The following UBE3D variants were observed in gnomAD, a reference collection of about 807,000 sequenced individuals.
UBE3D encodes E3 ubiquitin-protein ligase E3D.
A neutral mutation model predicts 49.6 loss-of-function variants in UBE3D; 48 were observed. The observed-to-expected ratio is 0.97, with a 90% confidence interval of 0.77 to 1.23. The LOEUF (loss-of-function observed/expected upper bound fraction) is 1.23, where lower values mean the gene tolerates loss of function less well. Ranked by LOEUF, UBE3D falls within the 50% of genes most tolerant of loss-of-function variation. The pLI is 0.00. For synonymous variants in UBE3D, 189 were observed against 174.2 expected (o/e 1.08, Z -0.67); for missense variants, 452 against 468.4 (o/e 0.96, Z 0.32).
chr6:83,032,453 T>G, intron 5 of UBE3D: 2 of 352,472 alleles, frequency 5.7e-6, no homozygotes, highest in Non-Finnish European at 1.1e-5. Context: ...ACCCAATGCC[T>G]GTACCCCCAT....
At chr6:82,914,096 A>G (rs1772731300) in intron 9 of UBE3D, among the ~76,000 whole-genome samples, 1 of 152,252 alleles carries the variant, frequency 6.6e-6, no homozygotes. Context: ...AGCTAAAACC[A>G]GAACCTAGAT....
chr6:83,023,329 G>T (rs1781232979), intron 6 of UBE3D, among the ~76,000 whole-genome samples: 2 of 152,146 alleles, frequency 1.3e-5, no homozygotes, highest in African/African-American at 4.8e-5. Flanking sequence ...AGAATTAGAA[G>T]ATTTATAAGA....
intron 9 of UBE3D, among the ~76,000 whole-genome samples, chr6:82,956,015 C>T (rs964065171): frequency 6.6e-5 from 10 of 152,146 alleles, no homozygotes; most frequent in Admixed American, 1.3e-4. Flanking sequence ...AAGAGCATCA[C>T]GGAGACAATC....
At chr6:82,907,863 G>A (rs997695681) in intron 9 of UBE3D, among the ~76,000 whole-genome samples, 31 of 152,058 alleles carry the variant, frequency 2.0e-4, no homozygotes, top group African/African-American at 7.5e-4. Context: ...GATGAAAACA[G>A]GTCCACAAAA....
intron 9 of UBE3D, among the ~76,000 whole-genome samples, chr6:82,902,477 A>T (rs1771808993): frequency 6.6e-6 from 1 of 152,194 alleles, no homozygotes; most frequent in African/African-American, 2.4e-5. Flanking sequence ...CATGACTCGG[A>T]AGAATCTCTA....
rs182240085 is a variant in UBE3D, at chr6:82,937,728, A to G, written c.1149+19584T>C. Among the ~76,000 whole-genome samples the G allele has an allele frequency of 5.3e-5, 8 of 152,334 alleles. No homozygotes were observed. The East Asian group carries it at 1.5e-3, about 29-fold the overall frequency. On this transcript the variant is annotated intron_variant, in intron 9 of 9. Coordinates refer to ENST00000369747, the MANE Select transcript of UBE3D (RefSeq NM_198920.3). ...GGGAAGCCGAAAGTGCAAAAAGTCT[A>G]AGGGAGGGTAGAGAAGGAAGACGAA...
intron 8 of UBE3D, among the ~76,000 whole-genome samples, chr6:82,957,770 C>T (rs1776267784): frequency 6.6e-6 from 1 of 152,102 alleles, no homozygotes. Context: ...TGAATGCTTC[C>T]TACATTCTAT....
At chr6:83,039,229 C>T (rs1254527533) in intron 4 of UBE3D, among the ~76,000 whole-genome samples, 1 of 152,198 alleles carries the variant, frequency 6.6e-6, no homozygotes, top group Non-Finnish European at 1.5e-5. Context: ...AAGCCATATA[C>T]AGTGGGCAGG....
intron 8 of UBE3D, among the ~76,000 whole-genome samples, chr6:82,963,029 T>C (rs1217844615): frequency 2.0e-5 from 3 of 152,202 alleles, no homozygotes; most frequent in African/African-American, 7.2e-5. Flanking sequence ...TTATGATTTA[T>C]AAACTTTCTC....
chr6:82,909,774 T>C (rs180984202), intron 9 of UBE3D, among the ~76,000 whole-genome samples: 3 of 152,300 alleles, frequency 2.0e-5, no homozygotes, highest in Non-Finnish European at 1.5e-5. Context: ...CTATGAGCAA[T>C]GAAGCCCATT....
At chr6:82,914,542 G>C (rs1247117575) in intron 9 of UBE3D, among the ~76,000 whole-genome samples, 3 of 152,104 alleles carry the variant, frequency 2.0e-5, no homozygotes, top group African/African-American at 7.2e-5. Context: ...GTGGCACCTC[G>C]GCGTCAAGCA....
At chr6:83,023,069 CA>C (rs1378335078) in intron 6 of UBE3D, among the ~76,000 whole-genome samples, 1 of 152,064 alleles carries the variant, frequency 6.6e-6, no homozygotes, top group Admixed American at 6.6e-5. Flanking sequence ...TGGATATCAA[CA>C]AATAAACTGG....
At chr6:82,930,099 T>C (rs1021134077) in intron 9 of UBE3D, among the ~76,000 whole-genome samples, 4 of 152,094 alleles carry the variant, frequency 2.6e-5, no homozygotes, top group Non-Finnish European at 5.9e-5. Context: ...GCTGTTCTTG[T>C]GATAGTGAGT....
At chr6:83,022,677 T>C (rs1781189710) in intron 6 of UBE3D, 116 bp from the exon 7 acceptor site, 3 of 580,884 alleles carry the variant, frequency 5.2e-6, no homozygotes, top group Non-Finnish European at 8.7e-6. Context: ...CATGCCAGAC[T>C]TTTCTACGGA....
At chr6:83,020,341 GTTTT>G (rs11341564) in intron 7 of UBE3D, among the ~76,000 whole-genome samples, 24 of 141,266 alleles carry the variant, frequency 1.7e-4, no homozygotes, top group Admixed American at 2.1e-4. Flanking sequence ...ATGTGATACT[GTTTT>G]TTTTTTTTTT....
chr6:83,051,405 T>C (rs1783459582), intron 3 of UBE3D, among the ~76,000 whole-genome samples: 1 of 151,910 alleles, frequency 6.6e-6, no homozygotes, highest in Admixed American at 6.6e-5. Flanking sequence ...ACAGAAAAAA[T>C]GGGGGCAACA....
At chr6:82,935,665 C>T (rs1318072485) in intron 9 of UBE3D, among the ~76,000 whole-genome samples, 3 of 151,898 alleles carry the variant, frequency 2.0e-5, no homozygotes, top group African/African-American at 7.3e-5. Flanking sequence ...TACAGGCCAG[C>T]AGGAAAAAGA....
intron 9 of UBE3D, among the ~76,000 whole-genome samples, chr6:82,956,644 T>A (rs1776176302): frequency 6.6e-6 from 1 of 152,200 alleles, no homozygotes; most frequent in Non-Finnish European, 1.5e-5. Context: ...ATGGTTAAGA[T>A]TCCTGGGTCT....
intron 9 of UBE3D, among the ~76,000 whole-genome samples, chr6:82,916,073 C>A (rs1772894081): frequency 6.6e-6 from 1 of 152,112 alleles, no homozygotes; most frequent in Non-Finnish European, 1.5e-5. Flanking sequence ...TTATTATATT[C>A]CAAGGACTTG....
Sources: allele counts gnomAD v4.1 joint callset (sites outside exome capture counted in the v4.1 genomes callset), GRCh38; gene constraint gnomAD v4.1.1; transcripts MANE v1.5; gene names NCBI Gene and HGNC (gene_info 2026-07-23, HGNC 2026-07-21).